Variants in RUFY2 observed in about 807,000 individuals in gnomAD.
RUFY2 encodes the protein RUN and FYVE domain-containing protein 2.
In RUFY2, 49 loss-of-function variants were observed where a neutral mutation model predicts 94.4. That is an observed-to-expected ratio of 0.52 (90% CI 0.41 to 0.66). RUFY2 has a LOEUF of 0.66. Among genes scored for constraint, RUFY2 ranks in the 30% least tolerant of loss-of-function variants. RUFY2 has a pLI of 0.00. For missense variants in RUFY2, 541 were observed against 692.8 expected (o/e 0.78, Z 2.46); for synonymous variants, 255 against 235.7 (o/e 1.08, Z -0.75).
At chr10:68,360,985 T>A (rs116223111) in intron 15 of RUFY2, among the ~76,000 whole-genome samples, 1 of 151,664 alleles carries the variant, frequency 6.6e-6, no homozygotes, top group Non-Finnish European at 1.5e-5. Flanking sequence ...AAGTCTCTAT[T>A]AAGTATGAAG....
intron 7 of RUFY2, among the ~76,000 whole-genome samples, chr10:68,391,250 T>C (rs187679439): frequency 1.3e-5 from 2 of 152,242 alleles, no homozygotes; most frequent in Admixed American, 6.5e-5. Context: ...ATTTTTATAT[T>C]GATTGCATGT....
chr10:68,351,034 T>G (rs2046627821), intron 16 of RUFY2, among the ~76,000 whole-genome samples: 1 of 151,942 alleles, frequency 6.6e-6, no homozygotes, highest in Non-Finnish European at 1.5e-5. Context: ...TAAGTTGTAC[T>G]ATATATGCAT....
At chr10:68,367,966 T>TC (rs1285937589) in intron 13 of RUFY2, among the ~76,000 whole-genome samples, 1 of 147,422 alleles carries the variant, frequency 6.8e-6, no homozygotes, top group African/African-American at 2.5e-5. Context: ...ATGTGGGTTG[T>TC]CTTTTTTTTT....
In RUFY2 at chr10:68,346,412, ATCTG is replaced by A. The variant is rs576467815; in HGVS notation, c.1600-332_1600-329del. 602 of 218,534 alleles carry A rather than the reference ATCTG, an allele frequency of 2.8e-3. 3 individuals are homozygous for A. The highest frequency in any genetic ancestry group is 0.017 in the South Asian group (152 of 8,814). 13.5% of individuals were successfully genotyped at this position (218,534 alleles called of 1,614,324 possible). ...TCAAGACCAAGCTGGGCAACACAGAATCTGTCTCTTAAAAAATAAAAATTGAAAA... is the reference window on the plus strand; with the variant it reads ...TCAAGACCAAGCTGGGCAACACAGAATCTCTTAAAAAATAAAAATTGAAAA... On this transcript the variant is annotated intron_variant, in intron 16 of 17. Transcript: ENST00000602465.
intron 13 of RUFY2, among the ~76,000 whole-genome samples, chr10:68,376,488 A>G (rs4746765): frequency 4.4e-5 from 1 of 22,502 alleles, no homozygotes; most frequent in African/African-American, 8.6e-5. Flanking sequence ...ATATATATAT[A>G]TATTCTCAGA....
At chr10:68,348,508 T>G (rs1232662200) in intron 16 of RUFY2, among the ~76,000 whole-genome samples, 3 of 143,008 alleles carry the variant, frequency 2.1e-5, no homozygotes, top group Non-Finnish European at 3.0e-5. Flanking sequence ...CAGAGGAAAC[T>G]CTGTCTCTGA....
chr10:68,361,571 GA>G, intron 15 of RUFY2, among the ~76,000 whole-genome samples: 2 of 152,320 alleles, frequency 1.3e-5, no homozygotes, highest in East Asian at 3.9e-4. Flanking sequence ...GATTGGAATT[GA>G]AATCTTGCTT....
downstream of RUFY2, chr10:68,341,266 T>G: frequency 6.2e-7 from 1 of 1,606,690 alleles, no homozygotes; most frequent in Non-Finnish European, 8.5e-7. Flanking sequence ...TTGTGACACA[T>G]GAAGATGCAG....
chr10:68,342,236 C>T (rs558521211), downstream of RUFY2: 45 of 507,430 alleles, frequency 8.9e-5, no homozygotes, highest in South Asian at 1.4e-3. Context: ...TTATTTGTTG[C>T]ATACTTTGAC....
At chr10:68,350,511 A>G (rs1408838297) in intron 16 of RUFY2, among the ~76,000 whole-genome samples, 1 of 152,234 alleles carries the variant, frequency 6.6e-6, no homozygotes, top group East Asian at 1.9e-4. Flanking sequence ...TTCCACATAA[A>G]AAAACTGAGA....
intron 4 of RUFY2, among the ~76,000 whole-genome samples, chr10:68,394,663 T>C (rs1315953049): frequency 6.6e-6 from 1 of 151,842 alleles, no homozygotes; most frequent in East Asian, 1.9e-4. Flanking sequence ...GAAGTCTTGC[T>C]CTTTCACCCA....
In RUFY2 at chr10:68,394,071, A is replaced by G; in HGVS notation, c.584+4T>C. ...ATATGTGAAATAACTTATGAAAATC[A>G]TACCTTTCTTTATTTCCAATATCTT... On this transcript the variant is annotated splice_donor_region_variant and intron_variant, in intron 6 of 17. Transcript: ENST00000602465. 1.3e-6 allele frequency: 2 copies of G among 1,504,106 alleles called. No individual in the cohort carries two copies. Among genetic ancestry groups the G allele is most frequent in the African/African-American group, 1.4e-5 (1 of 71,332 alleles). 93.2% of individuals were successfully genotyped at this position (1,504,106 alleles called of 1,614,324 possible).
At chr10:68,406,517 G>T (rs567015086) in intron 1 of RUFY2, among the ~76,000 whole-genome samples, 2 of 152,172 alleles carry the variant, frequency 1.3e-5, no homozygotes, top group South Asian at 2.1e-4. Context: ...GCTGGGCACC[G>T]GCAGTTCCCA....
chr10:68,345,675 G>A lies in RUFY2; in HGVS notation c.*93C>T, dbSNP rs1329367788. The stretch of plus-strand genomic sequence containing the variant: ...AACTGGTACCAAATACTGACCGAAA[G>A]CCGCTTAAGGAGAGCTGTCTGGTTA... On this transcript the variant is annotated 3_prime_UTR_variant, in exon 18 of 18. Coordinates refer to ENST00000602465, the MANE Select transcript of RUFY2 (RefSeq NM_001330103.2). 1 of 1,160,522 alleles carries A rather than the reference G, an allele frequency of 8.6e-7. No homozygotes were observed. Among genetic ancestry groups the A allele is most frequent in the East Asian group, 2.4e-5 (1 of 41,466 alleles). 71.9% of individuals were successfully genotyped at this position (1,160,522 alleles called of 1,614,324 possible).
intron 13 of RUFY2, among the ~76,000 whole-genome samples, chr10:68,365,076 G>C (rs369739840): frequency 6.6e-6 from 1 of 151,870 alleles, no homozygotes; most frequent in Non-Finnish European, 1.5e-5. Context: ...ATATGTTTGT[G>C]TTAATATTTA....
Position 68,386,275 on chromosome 10 carries a change from G to A in RUFY2, c.651-147C>T, listed in dbSNP as rs534162740. 1.2e-5 allele frequency: 7 copies of A among 562,682 alleles called. No homozygotes were observed. In the East Asian group the frequency reaches 2.1e-4, roughly 17 times the overall value. The allele number at this position is 562,682 out of a possible 1,614,324, so 34.9% of individuals were successfully genotyped here. A position where few individuals can be genotyped will look rare whatever the true frequency, so the allele number is the denominator to read the frequency against. ...TGAGTGTGGAAAATTTCATTAACTT[G>A]GATAACTTGATTTAGCTAGGAGGGC... On this transcript the variant is annotated intron_variant, in intron 7 of 17. Coordinates refer to ENST00000602465, the MANE Select transcript of RUFY2 (RefSeq NM_001330103.2).
At position 68,344,628 on chromosome 10, in the gene RUFY2, A is replaced by AGGTGGAG. The variant is rs2046173507; in HGVS notation, c.*1133_*1139dup. ...GGCAGGAGAATTGCTTGAACCCAGG[A>AGGTGGAG]GGTGGAGATCGTGCCATTGCACTCC... On this transcript the variant is annotated 3_prime_UTR_variant, in exon 18 of 18. Coordinates refer to ENST00000602465, the MANE Select transcript of RUFY2 (RefSeq NM_001330103.2). The AGGTGGAG allele has an allele frequency of 6.6e-6, 1 of 152,630 alleles. No individual in the cohort carries two copies. The highest frequency in any genetic ancestry group is 1.5e-5 in the Non-Finnish European group (1 of 68,424). The allele number at this position is 152,630 out of a possible 1,614,324, so 9.5% of individuals were successfully genotyped here. A position where few individuals can be genotyped will look rare whatever the true frequency, so the allele number is the denominator to read the frequency against.
Position 68,345,772 on chromosome 10 carries a change from G to T in RUFY2, c.1817C>A (p.Pro606His), listed in dbSNP as rs2046229407. ...LLIQRCSSNL[P>H] ...TAAGGATTTAGTTCTGGAGTCTCAG[G>T]GCAAGTTAGATGAGCATCTCTGAAT... Residue 606 changes from proline (P) to histidine (H), a missense_variant, in exon 18 of 18, where the codon CCC (proline) becomes CAC (histidine). By Grantham distance (77) the Pro-to-His change is moderately conservative. This residue lies in a region of RUFY2 where 403 missense variants were observed against 480.7 expected (regional missense o/e 0.84). Transcript: ENST00000602465. 6.2e-7 allele frequency: 1 copy of T among 1,611,280 alleles called. No individual in the cohort carries two copies. The highest frequency in any genetic ancestry group is 1.1e-5 in the South Asian group (1 of 90,502).
intron 15 of RUFY2, among the ~76,000 whole-genome samples, chr10:68,357,936 G>A (rs146698063): frequency 6.0e-4 from 91 of 152,082 alleles, no homozygotes; most frequent in East Asian, 3.5e-3. Context: ...GCCTGTAATC[G>A]CAGCACTTTG....
Sources: gnomAD v4.1 joint callset for allele counts (sites outside exome capture counted in the v4.1 genomes callset) on GRCh38, gnomAD v4.1.1 for gene constraint, gnomAD v4.1.1 regional missense constraint, MANE v1.5 for transcripts, NCBI Gene and HGNC (gene_info 2026-07-23, HGNC 2026-07-21) for gene names.